EYS: variants seen among roughly 807,000 people sequenced by gnomAD.
EYS encodes protein eyes shut homolog.
Under a neutral mutation model 282.1 loss-of-function variants are expected in EYS, and 250 were observed. The ratio of observed to expected loss-of-function variants is 0.89; its 90% confidence interval spans 0.80 to 0.98. EYS has a LOEUF of 0.98. EYS is among the 50% of genes least tolerant of loss of function. EYS has a pLI of 0.00. For synonymous variants in EYS, 1,355 were observed against 1,282.9 expected (o/e 1.06, Z -1.20); for missense variants, 4,016 against 3,709.0 (o/e 1.08, Z -2.15).
At chr6:65,292,115 C>A (rs112511845) in intron 12 of EYS, among the ~76,000 whole-genome samples, 3,308 of 151,610 alleles carry the variant, frequency 0.022, 113 homozygotes, top group African/African-American at 0.076. Flanking sequence ...AATATCATGG[C>A]GAATTTTGGG....
intron 2 of EYS, among the ~76,000 whole-genome samples, chr6:65,564,191 T>C (rs77999177): frequency 0.036 from 5,493 of 152,018 alleles, 263 homozygotes; most frequent in African/African-American, 0.11. Context: ...AAAATGGCCA[T>C]ACTGCCCAAA....
rs371982378 is a variant in EYS at position 64,367,586 on chromosome 6, T to C, written c.6078+21104A>G. On this transcript the variant is annotated intron_variant, in intron 29 of 42. Coordinates refer to ENST00000503581, the MANE Select transcript of EYS (RefSeq NM_001142800.2). Reference sequence around the variant, plus strand: ...GCAAAGTTTCTAAAATAGGAAGTGGTGATAAACACCTAGTTGGATTTCAGA... The same window carrying C: ...GCAAAGTTTCTAAAATAGGAAGTGGCGATAAACACCTAGTTGGATTTCAGA... Among the ~76,000 whole-genome samples the C allele has an allele frequency of 7.4e-5, 11 of 148,112 alleles. No individual in the cohort carries two copies. The East Asian group carries it at 1.6e-3, about 22-fold the overall frequency.
Position 65,627,575 on chromosome 6 carries a change from G to C in EYS, c.-333+12203C>G, listed in dbSNP as rs1469227517. 2.0e-5 allele frequency among the ~76,000 whole-genome samples: 3 copies of C among 152,184 alleles called. No individual in the cohort carries two copies. The East Asian group carries it at 5.8e-4, about 30-fold the overall frequency. On this transcript the variant is annotated intron_variant, in intron 2 of 42. Coordinates refer to ENST00000503581, the MANE Select transcript of EYS (RefSeq NM_001142800.2). ...GGCTGCCTGCCGCGCTTGCGGGCCA[G>C]CTGGAGTTCCGGGTCAGCTGGAGTT...
chr6:65,549,681 T>C (rs1768528052), intron 2 of EYS, among the ~76,000 whole-genome samples: 1 of 152,248 alleles, frequency 6.6e-6, no homozygotes, highest in African/African-American at 2.4e-5. Flanking sequence ...TTTGAATTAG[T>C]GTTTATAAAG....
At chr6:65,648,598 G>A (rs1767541449) in intron 1 of EYS, among the ~76,000 whole-genome samples, 1 of 151,888 alleles carries the variant, frequency 6.6e-6, no homozygotes, top group African/African-American at 2.4e-5. Flanking sequence ...TACACATTGG[G>A]TACATTGTAC....
intron 31 of EYS, among the ~76,000 whole-genome samples, chr6:64,117,482 A>G (rs932864451): frequency 4.7e-5 from 7 of 150,326 alleles, no homozygotes; most frequent in Non-Finnish European, 1.0e-4. Context: ...ACTAATTAAG[A>G]AAAAAGAGAA....
chr6:64,566,561 G>A (rs1167613366), intron 26 of EYS, among the ~76,000 whole-genome samples: 1 of 151,964 alleles, frequency 6.6e-6, no homozygotes, highest in African/African-American at 2.4e-5. Context: ...ATATGTCCTA[G>A]GCACTACACA....
At chr6:64,259,739 C>A (rs916220314) in intron 30 of EYS, among the ~76,000 whole-genome samples, 6 of 151,788 alleles carry the variant, frequency 4.0e-5, no homozygotes, top group Non-Finnish European at 1.5e-5. Context: ...TATCCTATTG[C>A]AATCGTCTTG....
intron 12 of EYS, among the ~76,000 whole-genome samples, chr6:65,287,269 G>A (rs1266625803): frequency 6.6e-6 from 1 of 151,516 alleles, no homozygotes; most frequent in African/African-American, 2.4e-5. Context: ...CCACTCCACA[G>A]TGTAGAAATG....
intron 31 of EYS, among the ~76,000 whole-genome samples, chr6:64,093,832 C>T (rs893869990): frequency 7.2e-5 from 11 of 152,038 alleles, no homozygotes; most frequent in Non-Finnish European, 1.5e-4. Flanking sequence ...TGTCTTGTGC[C>T]GGTTTTCAAA....
intron 41 of EYS, among the ~76,000 whole-genome samples, chr6:63,756,343 T>C (rs1475692810): frequency 6.6e-6 from 1 of 152,122 alleles, no homozygotes; most frequent in Non-Finnish European, 1.5e-5. Context: ...ATGAAAGACT[T>C]GAATTTTGTC....
At chr6:65,547,090 T>C (rs1320673325) in intron 2 of EYS, among the ~76,000 whole-genome samples, 2 of 151,808 alleles carry the variant, frequency 1.3e-5, no homozygotes, top group Non-Finnish European at 2.9e-5. Context: ...TCTGCCTGTT[T>C]CAAGTCTGAC....
At chr6:64,575,631 GC>G (rs1765857953) in intron 26 of EYS, among the ~76,000 whole-genome samples, 1 of 152,092 alleles carries the variant, frequency 6.6e-6, no homozygotes, top group Admixed American at 6.6e-5. Flanking sequence ...CACAACAGAG[GC>G]AAGAATGTGA....
chr6:65,166,435 A>C (rs775114475), intron 12 of EYS, among the ~76,000 whole-genome samples: 1 of 151,200 alleles, frequency 6.6e-6, no homozygotes, highest in Non-Finnish European at 1.5e-5. Flanking sequence ...CCTCACATTT[A>C]TGGTCAAGTA....
At chr6:64,977,473 A>T (rs1045916459) in intron 14 of EYS, among the ~76,000 whole-genome samples, 3 of 151,886 alleles carry the variant, frequency 2.0e-5, no homozygotes, top group African/African-American at 7.2e-5. Context: ...ATCCTGAGAC[A>T]TAACAATATT....
At chr6:64,817,846 C>A (rs1028396428) in intron 21 of EYS, among the ~76,000 whole-genome samples, 16 of 152,176 alleles carry the variant, frequency 1.1e-4, no homozygotes, top group Non-Finnish European at 2.1e-4. Context: ...TCCAATCCAC[C>A]ACTGATGGTC....
chr6:63,782,010 T>C (rs1182903958), intron 39 of EYS, among the ~76,000 whole-genome samples: 1 of 152,206 alleles, frequency 6.6e-6, no homozygotes, highest in African/African-American at 2.4e-5. Flanking sequence ...GAGATAACCA[T>C]GTGGTTTTTG....
chr6:63,884,839 T>A (rs1773224686), intron 35 of EYS, among the ~76,000 whole-genome samples: 1 of 152,172 alleles, frequency 6.6e-6, no homozygotes, highest in South Asian at 2.1e-4. Context: ...AATACACTTT[T>A]TTTTTTGAAA....
At position 64,626,229 on chromosome 6, in the gene EYS, A is replaced by C; in HGVS notation, c.3460T>G (p.Ser1154Ala). The change falls in exon 23 of 43, where the codon TCT becomes GCT. Residue 1154 changes from serine to alanine, a missense_variant. Ser to Ala is a moderately conservative substitution (Grantham distance 99). Coordinates refer to ENST00000503581, the MANE Select transcript of EYS (RefSeq NM_001142800.2). ...ATATTAATTTCACAAAATTGACCAG[A>C]AAATCCAGGAAGACATCTAAGGAAA... ...TFDCRCLPGF[S>A]GQFCEININE... is the part of the protein sequence containing the mutation. 1.3e-6 allele frequency: 2 copies of C among 1,531,272 alleles called. No individual in the cohort carries two copies. 94.9% of individuals were successfully genotyped at this position (1,531,272 alleles called of 1,614,324 possible).
Sources: allele counts gnomAD v4.1 joint callset (sites outside exome capture counted in the v4.1 genomes callset), GRCh38; gene constraint gnomAD v4.1.1; transcripts MANE v1.5; gene names NCBI Gene and HGNC (gene_info 2026-07-23, HGNC 2026-07-21).